SPAG16: variants seen among roughly 807,000 people sequenced by gnomAD.
SPAG16 encodes the protein sperm-associated antigen 16 protein.
A neutral mutation model predicts 80.4 loss-of-function variants in SPAG16; 86 were observed. The ratio of observed to expected loss-of-function variants is 1.07; its 90% CI spans 0.90 to 1.28. SPAG16 has a LOEUF of 1.28. Among genes scored for constraint, SPAG16 ranks in the 50% most tolerant of loss-of-function variants. SPAG16 has a pLI of 0.00. For synonymous variants in SPAG16, 294 were observed against 265.9 expected (o/e 1.11, Z -1.03); for missense variants, 870 against 765.3 (o/e 1.14, Z -1.61).
chr2:214,059,256 G>GTATA (rs1576016891), intron 13 of SPAG16, among the ~76,000 whole-genome samples: 1 of 92,928 alleles, frequency 1.1e-5, no homozygotes, highest in South Asian at 3.3e-4. Context: ...GTATATATAT[G>GTATA]TATGTATATA....
At chr2:213,754,769 A>G (rs1456325317) in intron 10 of SPAG16, among the ~76,000 whole-genome samples, 2 of 152,178 alleles carry the variant, frequency 1.3e-5, no homozygotes, top group African/African-American at 2.4e-5. Context: ...TAGTTGGAGT[A>G]AAATCATCTG....
At chr2:213,576,927 C>T (rs1264182341) in intron 10 of SPAG16, among the ~76,000 whole-genome samples, 1 of 152,010 alleles carries the variant, frequency 6.6e-6, no homozygotes, top group African/African-American at 2.4e-5. Context: ...ATAATCTGTA[C>T]AACAATCCCC....
chr2:213,305,464 C>T (rs980168075), intron 3 of SPAG16, among the ~76,000 whole-genome samples: 1 of 151,974 alleles, frequency 6.6e-6, no homozygotes, highest in Admixed American at 6.6e-5. Context: ...TCAGGTTTTC[C>T]CCATTCAGTG....
intron 15 of SPAG16, among the ~76,000 whole-genome samples, chr2:214,369,303 G>T (rs746845577): frequency 2.6e-5 from 4 of 152,072 alleles, no homozygotes; most frequent in Non-Finnish European, 4.4e-5. Flanking sequence ...GAAGAAGTTT[G>T]GTCTAACATG....
chr2:213,777,284 TC>T (rs1416447182), intron 10 of SPAG16, among the ~76,000 whole-genome samples: 1 of 145,328 alleles, frequency 6.9e-6, no homozygotes, highest in African/African-American at 2.5e-5. Flanking sequence ...TCTCATTCTG[TC>T]GCTCAGGCTG....
chr2:213,996,937 A>AT (rs2046549224), intron 12 of SPAG16, among the ~76,000 whole-genome samples: 1 of 151,814 alleles, frequency 6.6e-6, no homozygotes, highest in Non-Finnish European at 1.5e-5. Flanking sequence ...TTTTTTAAAT[A>AT]TTTTTTCTTA....
At chr2:214,356,629 GC>G (rs1221005385) in intron 15 of SPAG16, among the ~76,000 whole-genome samples, 1 of 151,670 alleles carries the variant, frequency 6.6e-6, no homozygotes, top group Non-Finnish European at 1.5e-5. Context: ...GCTTCTTCTA[GC>G]AGTTACTCTA....
rs181315790 is a variant in SPAG16 at position 214,408,126 on chromosome 2, T to C, written c.1721-2014T>C. Among the ~76,000 whole-genome samples, 14 of 152,272 alleles carry C rather than the reference T, an allele frequency of 9.2e-5. No individual in the cohort carries two copies. The East Asian group carries it at 2.7e-3, about 29-fold the overall frequency. ...TTTTCTGTATTTTATTTAACAAACT[T>C]TCAGAAATTACCAGAGCCTTCATAA... On this transcript the variant is annotated intron_variant, in intron 15 of 15. Transcript: ENST00000331683.
intron 12 of SPAG16, among the ~76,000 whole-genome samples, chr2:213,952,155 C>A (rs908828149): frequency 6.6e-6 from 1 of 151,572 alleles, no homozygotes; most frequent in African/African-American, 2.4e-5. Context: ...TTTAAGGAAA[C>A]CTAAATATGA....
At chr2:213,949,169 G>GTTTTTTTT (rs767648099) in intron 12 of SPAG16, among the ~76,000 whole-genome samples, 5 of 56,740 alleles carry the variant, frequency 8.8e-5, no homozygotes, top group African/African-American at 1.6e-4. Flanking sequence ...AATTACAACA[G>GTTTTTTTT]TTTTTTTTTT....
At chr2:214,055,583 A>G (rs1206585473) in intron 13 of SPAG16, among the ~76,000 whole-genome samples, 2 of 152,188 alleles carry the variant, frequency 1.3e-5, no homozygotes, top group Non-Finnish European at 2.9e-5. Context: ...ATGTCTTAAT[A>G]CTAAATGTGT....
chr2:213,368,040 A>G (rs1393305502), intron 8 of SPAG16, among the ~76,000 whole-genome samples: 3 of 150,144 alleles, frequency 2.0e-5, no homozygotes, highest in African/African-American at 4.9e-5. Context: ...CTTATTAAAT[A>G]GGGAATCCTT....
At chr2:214,195,411 C>G (rs191914465) in intron 15 of SPAG16, among the ~76,000 whole-genome samples, 1 of 152,094 alleles carries the variant, frequency 6.6e-6, no homozygotes, top group Non-Finnish European at 1.5e-5. Context: ...AAAGATTACT[C>G]TAACAACTCT....
chr2:214,116,009 A>G (rs1318025413), intron 14 of SPAG16, among the ~76,000 whole-genome samples: 1 of 152,108 alleles, frequency 6.6e-6, no homozygotes, highest in African/African-American at 2.4e-5. Flanking sequence ...GTGGAGCCCA[A>G]GACTTAGGAG....
chr2:213,611,497 G>A (rs979977533), intron 10 of SPAG16, among the ~76,000 whole-genome samples: 5 of 152,112 alleles, frequency 3.3e-5, no homozygotes, highest in African/African-American at 1.2e-4. Flanking sequence ...ATATACTGTA[G>A]GGGATTTCAA....
At chr2:213,644,462 G>A (rs1292189126) in intron 10 of SPAG16, among the ~76,000 whole-genome samples, 2 of 152,144 alleles carry the variant, frequency 1.3e-5, no homozygotes, top group African/African-American at 4.8e-5. Context: ...AGTCCTCACT[G>A]TCTGGGCTTA....
At chr2:213,986,064 G>T (rs2045984322) in intron 12 of SPAG16, among the ~76,000 whole-genome samples, 1 of 152,096 alleles carries the variant, frequency 6.6e-6, no homozygotes, top group South Asian at 2.1e-4. Flanking sequence ...ACAAAGCAGG[G>T]AGTAGTAGAC....
intron 10 of SPAG16, among the ~76,000 whole-genome samples, chr2:213,775,120 G>C (rs1226278797): frequency 6.6e-6 from 1 of 152,106 alleles, no homozygotes; most frequent in African/African-American, 2.4e-5. Flanking sequence ...TCCTTTTCCT[G>C]CTGCTCTGCC....
At chr2:213,412,333 A>G (rs900683214) in intron 9 of SPAG16, among the ~76,000 whole-genome samples, 6 of 152,208 alleles carry the variant, frequency 3.9e-5, no homozygotes, top group Non-Finnish European at 7.3e-5. Context: ...TGTGTCAGGG[A>G]TAAGAACCCC....
Sources: gnomAD v4.1 joint callset for allele counts (sites outside exome capture counted in the v4.1 genomes callset) on GRCh38, gnomAD v4.1.1 for gene constraint, MANE v1.5 for transcripts, NCBI Gene and HGNC (gene_info 2026-07-23, HGNC 2026-07-21) for gene names.